The following USH2A variants were observed in gnomAD, a reference collection of about 807,000 sequenced individuals.
USH2A encodes the protein Usher syndrome 2A (autosomal recessive, mild).
A neutral mutation model predicts 538.9 loss-of-function variants in USH2A; 443 were observed. The ratio of observed to expected loss-of-function variants is 0.82; its 90% CI spans 0.76 to 0.89. The LOEUF (loss-of-function observed/expected upper bound fraction) is 0.89. USH2A is among the 40% of genes least tolerant of loss of function. USH2A has a pLI of 0.00. For synonymous variants in USH2A, 2,413 were observed against 2,273.5 expected (o/e 1.06, Z -1.75); for missense variants, 6,633 against 6,324.8 (o/e 1.05, Z -1.65).
At chr1:216,068,891 G>A (rs998160651) in intron 30 of USH2A, among the ~76,000 whole-genome samples, 1 of 152,144 alleles carries the variant, frequency 6.6e-6, no homozygotes, top group Admixed American at 6.6e-5. Flanking sequence ...TTGGTAGTAA[G>A]AAAGTAATAG....
In USH2A at chr1:216,153,720, A is replaced by G. The variant is rs1370893553; in HGVS notation, c.4627+21532T>C. 4.6e-5 allele frequency among the ~76,000 whole-genome samples: 7 copies of G among 150,992 alleles called. No individual in the cohort carries two copies. The East Asian group carries it at 9.7e-4, about 21-fold the overall frequency. ...AATGCTGCATATTAGATATAAGGGG[A>G]AAAAAACCCTCAAAATAGGATACTT... is the stretch of plus-strand genomic sequence containing the variant. On this transcript the variant is annotated intron_variant, in intron 21 of 71. Coordinates refer to ENST00000307340, the MANE Select transcript of USH2A (RefSeq NM_206933.4).
intron 16 of USH2A, among the ~76,000 whole-genome samples, chr1:216,203,011 A>G (rs528699615): frequency 6.6e-6 from 1 of 152,176 alleles, no homozygotes; most frequent in South Asian, 2.1e-4. Flanking sequence ...TCATCTTTGT[A>G]TTTCTAATGA....
At chr1:215,912,333 T>C (rs1665805496) in intron 38 of USH2A, among the ~76,000 whole-genome samples, 1 of 151,872 alleles carries the variant, frequency 6.6e-6, no homozygotes, top group African/African-American at 2.4e-5. Context: ...TAGTTTGAAG[T>C]CTTCGACTTA....
rs1661137978 is a variant in USH2A at position 215,766,703 on chromosome 1, C to G, written c.11025G>C (p.Gln3675His). 6.2e-7 allele frequency: 1 copy of G among 1,613,542 alleles called. No individual in the cohort carries two copies. Among genetic ancestry groups the G allele is most frequent in the African/African-American group, 1.3e-5 (1 of 74,892 alleles). ...TACCTTCAGGAGCTGCCTGCAGTGTCTGACCTAGAAAAGGCTCGCTTGAAG... is the reference window on the plus strand; with the variant it reads ...TACCTTCAGGAGCTGCCTGCAGTGTGTGACCTAGAAAAGGCTCGCTTGAAG... ...GCTSSEPFLG[Q>H]TLQAAPEGVW... The change falls in exon 56 of 72, where the codon CAG becomes CAC. Residue 3675 changes from glutamine (Q) to histidine (H), a missense_variant. Coordinates refer to ENST00000307340, the MANE Select transcript of USH2A (RefSeq NM_206933.4).
In USH2A at chr1:215,799,117, A is replaced by C; in HGVS notation, c.9748T>G (p.Cys3250Gly). 6.2e-7 allele frequency: 1 copy of C among 1,613,750 alleles called. No individual in the cohort carries two copies. The highest frequency in any genetic ancestry group is 8.5e-7 in the Non-Finnish European group (1 of 1,179,874). The stretch of plus-strand genomic sequence containing the variant: ...CGATTGTGCTGTTCATCTGGACAGC[A>C]TACTTCACCTGTCAATTTAGGACAA... ...YYARILPGEVCCPDEQHNRVS... is the reference protein window; with the variant it reads ...YYARILPGEVGCPDEQHNRVS... Residue 3250 changes from cysteine (C) to glycine (G), a missense_variant, in exon 50 of 72, where the codon TGC becomes GGC. By Grantham distance (159) the Cys-to-Gly change is radical. Coordinates refer to ENST00000307340, the MANE Select transcript of USH2A (RefSeq NM_206933.4).
chr1:216,238,158 C>G (rs1265518156), intron 13 of USH2A, among the ~76,000 whole-genome samples: 1 of 151,966 alleles, frequency 6.6e-6, no homozygotes, highest in African/African-American at 2.4e-5. Flanking sequence ...AAAAGAAAAC[C>G]AAAAGTAAAT....
At chr1:215,722,275 C>G (rs1017844911) in intron 61 of USH2A, among the ~76,000 whole-genome samples, 2 of 152,130 alleles carry the variant, frequency 1.3e-5, no homozygotes, top group Middle Eastern at 3.4e-3. Context: ...AGATAGTCAC[C>G]AAAGGAGTCC....
intron 37 of USH2A, among the ~76,000 whole-genome samples, chr1:215,943,337 A>G (rs886357281): frequency 1.3e-5 from 2 of 152,160 alleles, no homozygotes; most frequent in African/African-American, 4.8e-5. Context: ...TGCAGTAAGT[A>G]TTTAATAAAC....
intron 61 of USH2A, among the ~76,000 whole-genome samples, chr1:215,696,326 G>A (rs1295885142): frequency 6.6e-6 from 1 of 152,154 alleles, no homozygotes; most frequent in Non-Finnish European, 1.5e-5. Flanking sequence ...AGGAGTGGCA[G>A]AGGCAGAAGA....
At chr1:216,318,932 C>T (rs1244464323) in intron 9 of USH2A, among the ~76,000 whole-genome samples, 2 of 151,978 alleles carry the variant, frequency 1.3e-5, no homozygotes, top group Non-Finnish European at 2.9e-5. Flanking sequence ...AGAAAATATC[C>T]AACACTTAAC....
intron 38 of USH2A, among the ~76,000 whole-genome samples, chr1:215,915,215 T>G: frequency 6.6e-6 from 1 of 152,026 alleles, no homozygotes; most frequent in East Asian, 1.9e-4. Context: ...AAGTTCAAGT[T>G]CCTGTTATTT....
intron 5 of USH2A, among the ~76,000 whole-genome samples, chr1:216,326,978 T>C (rs1367428337): frequency 6.6e-6 from 1 of 152,160 alleles, no homozygotes; most frequent in African/African-American, 2.4e-5. Context: ...TTTTTTAAAA[T>C]TCTGTGTGCT....
rs556891942 is a variant in USH2A, at chr1:216,246,625, C to T, written c.2769G>A (p.Val923=). The T allele has an allele frequency of 7.4e-6, 12 of 1,614,068 alleles. No homozygotes were observed. In the East Asian group the frequency reaches 1.8e-4, roughly 24 times the overall value. Residue 923 remains valine, a synonymous_variant, in exon 13 of 72, where the codon GTG becomes GTA. Transcript: ENST00000307340. ...CDPISGQCLC[V]PNRQGRRCNQ... ...TACACCTTCTTCCTTGACGATTAGG[C>T]ACACACAGGCACTGGCCACTGATTG... is the stretch of plus-strand genomic sequence containing the variant.
At chr1:215,697,315 G>A (rs1658850087) in intron 61 of USH2A, among the ~76,000 whole-genome samples, 1 of 151,998 alleles carries the variant, frequency 6.6e-6, no homozygotes. Context: ...CTCTATGGTT[G>A]TCTCTGGAAA....
chr1:215,703,402 G>A (rs1659090201), intron 61 of USH2A, among the ~76,000 whole-genome samples: 1 of 152,228 alleles, frequency 6.6e-6, no homozygotes, highest in African/African-American at 2.4e-5. Context: ...GTCTGCTGAA[G>A]TTGCACCCAC....
chr1:215,677,940 G>GTCTCCCC (rs1658088137), intron 62 of USH2A, among the ~76,000 whole-genome samples: 1 of 152,116 alleles, frequency 6.6e-6, no homozygotes, highest in African/African-American at 2.4e-5. Flanking sequence ...TCATCTTCCA[G>GTCTCCCC]TCTCCCCTTC....
chr1:216,138,423 C>G (rs17026164), intron 21 of USH2A, among the ~76,000 whole-genome samples: 10 of 152,110 alleles, frequency 6.6e-5, no homozygotes, highest in African/African-American at 4.8e-5. Flanking sequence ...TTATGTAGTC[C>G]GTGCAGCTAT....
At chr1:216,183,977 T>C (rs574853469) in intron 20 of USH2A, among the ~76,000 whole-genome samples, 42 of 152,126 alleles carry the variant, frequency 2.8e-4, no homozygotes, top group African/African-American at 1.0e-3. Context: ...TAAAATAATT[T>C]CTGTTGAAAG....
At chr1:215,947,570 T>C (rs1041746132) in intron 37 of USH2A, among the ~76,000 whole-genome samples, 3 of 152,124 alleles carry the variant, frequency 2.0e-5, no homozygotes, top group East Asian at 3.9e-4. Context: ...TCACAAGAGA[T>C]GGAGGTGAAA....
Sources: gnomAD v4.1 joint callset for allele counts (sites outside exome capture counted in the v4.1 genomes callset) on GRCh38, gnomAD v4.1.1 for gene constraint, MANE v1.5 for transcripts, NCBI Gene and HGNC (gene_info 2026-07-23, HGNC 2026-07-21) for gene names.